The following WARS2 variants were observed in gnomAD, a reference collection of about 807,000 sequenced individuals.
WARS2 encodes tryptophanyl tRNA synthetase 2, mitochondrial, also known as tryptophan--tRNA ligase, mitochondrial.
Under a neutral mutation model 36.5 loss-of-function variants are expected in WARS2, and 28 were observed. That is an observed-to-expected ratio of 0.77 (90% CI 0.57 to 1.05). The LOEUF (loss-of-function observed/expected upper bound fraction) is 1.05. Ranked by LOEUF, WARS2 falls within the 50% of genes least tolerant of loss-of-function variation. The probability of loss-of-function intolerance (pLI) is 0.00; values close to 1 mark genes in which losing one functional copy is unlikely to be tolerated. For missense variants in WARS2, 435 were observed against 456.8 expected (o/e 0.95, Z 0.44); for synonymous variants, 174 against 178.4 (o/e 0.98, Z 0.20).
intron 1 of WARS2, among the ~76,000 whole-genome samples, chr1:119,124,085 C>T (rs1655499812): frequency 6.6e-6 from 1 of 152,200 alleles, no homozygotes; most frequent in Non-Finnish European, 1.5e-5. Flanking sequence ...CAGTAAATTG[C>T]AAATTCATTC....
intron 1 of WARS2, among the ~76,000 whole-genome samples, chr1:119,131,497 G>A (rs1656104119): frequency 1.5e-5 from 2 of 137,902 alleles, no homozygotes; most frequent in Admixed American, 7.6e-5. Flanking sequence ...AGTCTCACTC[G>A]TGTCACCCAG....
intron 1 of WARS2, among the ~76,000 whole-genome samples, chr1:119,077,888 T>C (rs1046954067): frequency 6.6e-6 from 1 of 152,208 alleles, no homozygotes; most frequent in African/African-American, 2.4e-5. Context: ...TGAGAAAATA[T>C]AATGCATCAT....
chr1:119,051,577 A>G (rs966827423), intron 2 of WARS2, among the ~76,000 whole-genome samples: 10 of 152,058 alleles, frequency 6.6e-5, no homozygotes, highest in Non-Finnish European at 1.0e-4. Flanking sequence ...ACTGGGTCGA[A>G]TGGTAGTCCT....
Position 119,131,806 on chromosome 1 carries a change from T to G in WARS2, c.90+8749A>C, listed in dbSNP as rs587642845. ...CGTTCTGTGGGAAGTCTGGACTTTA[T>G]GAGAAGCCCCCACAGGCTTCTCAGC... On this transcript the variant is annotated intron_variant, in intron 1 of 5. Coordinates refer to ENST00000235521, the MANE Select transcript of WARS2 (RefSeq NM_015836.4). 8.7e-5 allele frequency among the ~76,000 whole-genome samples: 13 copies of G among 148,782 alleles called. No individual in the cohort carries two copies. In the South Asian group the frequency reaches 2.8e-3, roughly 32 times the overall value.
At chr1:119,041,436 G>T (rs1313277896) in intron 4 of WARS2, among the ~76,000 whole-genome samples, 1 of 152,170 alleles carries the variant, frequency 6.6e-6, no homozygotes, top group Non-Finnish European at 1.5e-5. Flanking sequence ...GTATATTTTT[G>T]AGGACTTTAA....
intron 1 of WARS2, among the ~76,000 whole-genome samples, chr1:119,096,710 TG>T (rs2101434685): frequency 6.6e-6 from 1 of 152,284 alleles, no homozygotes; most frequent in South Asian, 2.1e-4. Context: ...GAATAGAATA[TG>T]GCTTTTTATA....
chr1:119,071,077 G>A (rs2101281069), intron 2 of WARS2, among the ~76,000 whole-genome samples: 1 of 152,236 alleles, frequency 6.6e-6, no homozygotes, highest in South Asian at 2.1e-4. Context: ...CAACTACTTG[G>A]GAGGCTGAGG....
intron 2 of WARS2, among the ~76,000 whole-genome samples, chr1:119,075,026 A>G (rs1447346262): frequency 2.4e-4 from 36 of 152,144 alleles, no homozygotes; most frequent in Admixed American, 2.4e-3. Context: ...AAAATCACCT[A>G]TTGAGTACAA....
intron 1 of WARS2, among the ~76,000 whole-genome samples, chr1:119,104,505 T>C (rs1654097460): frequency 3.3e-5 from 5 of 151,736 alleles, no homozygotes; most frequent in Admixed American, 2.6e-4. Flanking sequence ...CAACAAATTA[T>C]TTGTTCAGCA....
intron 1 of WARS2, chr1:119,126,564 T>C (rs1424687334): frequency 6.4e-6 from 4 of 626,866 alleles, no homozygotes; most frequent in Admixed American, 4.4e-5. Flanking sequence ...GACTAGTGGT[T>C]CATATCCATC....
At chr1:119,051,366 T>C (rs900486378) in intron 2 of WARS2, among the ~76,000 whole-genome samples, 1 of 152,208 alleles carries the variant, frequency 6.6e-6, no homozygotes, top group South Asian at 2.1e-4. Flanking sequence ...AATGATCTTA[T>C]TTTTTATTTT....
chr1:119,094,631 T>C (rs936112242), intron 1 of WARS2, among the ~76,000 whole-genome samples: 2 of 152,178 alleles, frequency 1.3e-5, no homozygotes, highest in African/African-American at 4.8e-5. Context: ...AAGGTTACTA[T>C]AGTAAAGTAA....
At chr1:119,096,908 A>G (rs1283410043) in intron 1 of WARS2, among the ~76,000 whole-genome samples, 1 of 152,242 alleles carries the variant, frequency 6.6e-6, no homozygotes, top group African/African-American at 2.4e-5. Flanking sequence ...ATGAAAAGTT[A>G]TTAATGATAA....
intron 1 of WARS2, among the ~76,000 whole-genome samples, chr1:119,086,623 G>A (rs755313219): frequency 3.6e-4 from 54 of 152,066 alleles, no homozygotes; most frequent in African/African-American, 5.8e-4. Context: ...TCTGAAAACC[G>A]CTTTCAGACA....
chr1:119,084,996 C>G, intron 1 of WARS2: 1 of 586,970 alleles, frequency 1.7e-6, no homozygotes, highest in South Asian at 2.1e-5. Flanking sequence ...GCTGAACAGT[C>G]TTCAGTGACG....
chr1:119,122,560 A>G (rs112841431), intron 1 of WARS2, among the ~76,000 whole-genome samples: 10 of 152,232 alleles, frequency 6.6e-5, no homozygotes, highest in Non-Finnish European at 2.9e-5. Context: ...CCAGAGGAAA[A>G]TAAGTCATTA....
chr1:119,066,707 T>C (rs1350306885), intron 2 of WARS2, among the ~76,000 whole-genome samples: 1 of 152,116 alleles, frequency 6.6e-6, no homozygotes, highest in Non-Finnish European at 1.5e-5. Flanking sequence ...AACAATAAGA[T>C]GGCACATTTC....
At chr1:119,079,287 T>C (rs2101338092) in intron 1 of WARS2, among the ~76,000 whole-genome samples, 1 of 152,298 alleles carries the variant, frequency 6.6e-6, no homozygotes, top group African/African-American at 2.4e-5. Flanking sequence ...TTTAAAAATA[T>C]GTCTTGGAAC....
intron 2 of WARS2, among the ~76,000 whole-genome samples, chr1:119,057,512 G>A (rs921528394): frequency 6.6e-6 from 1 of 151,748 alleles, no homozygotes; most frequent in Non-Finnish European, 1.5e-5. Context: ...TAGCATGGCC[G>A]AGCACAGTGG....
Sources: gnomAD v4.1 joint callset for allele counts (sites outside exome capture counted in the v4.1 genomes callset) on GRCh38, gnomAD v4.1.1 for gene constraint, MANE v1.5 for transcripts, NCBI Gene and HGNC (gene_info 2026-07-23, HGNC 2026-07-21) for gene names.